The following ZBTB20 variants were observed in gnomAD, a reference collection of about 807,000 sequenced individuals.
The protein encoded by ZBTB20 is zinc finger and BTB domain-containing protein 20.
In ZBTB20, 9 loss-of-function variants were observed where a neutral mutation model predicts 56.9. The observed-to-expected ratio is 0.16, with a 90% CI of 0.10 to 0.28. The LOEUF (loss-of-function observed/expected upper bound fraction) is 0.28, where lower values mean the gene tolerates loss of function less well. Among genes scored for constraint, ZBTB20 ranks in the 10% least tolerant of loss-of-function variants. The probability of loss-of-function intolerance (pLI) is 1.00; values close to 1 mark genes in which losing one functional copy is unlikely to be tolerated. For missense variants in ZBTB20, 655 were observed against 1,003.0 expected (o/e 0.65, Z 4.69); for synonymous variants, 417 against 420.7 (o/e 0.99, Z 0.11).
intron 2 of ZBTB20, among the ~76,000 whole-genome samples, chr3:115,060,514 T>C (rs1257419416): frequency 3.9e-5 from 6 of 152,154 alleles, no homozygotes; most frequent in Non-Finnish European, 2.9e-5. Flanking sequence ...GTGATTTATA[T>C]TTTTCTTCTT....
rs1301801709 is a variant in ZBTB20 at position 114,354,563 on chromosome 3, GTTTTTTTTTGTTTTGTTTTGTTTGT to G, written c.200-2710_200-2686del. ...ACAATCCTATGTGTGTTCTGAACAGGTTTTTTTTTGTTTTGTTTTGTTTGTTTTTTTTTTTTTTGACAGAGTCTTG... is the reference window on the plus strand; with the variant it reads ...ACAATCCTATGTGTGTTCTGAACAGGTTTTTTTTTTTTTGACAGAGTCTTG... On this transcript the variant is annotated intron_variant, in intron 10 of 11. Coordinates refer to ENST00000675478, the MANE Select transcript of ZBTB20 (RefSeq NM_001348800.3). Among the ~76,000 whole-genome samples, 6 of 130,112 alleles carry G rather than the reference GTTTTTTTTTGTTTTGTTTTGTTTGT, an allele frequency of 4.6e-5. No homozygotes were observed. In the South Asian group the frequency reaches 7.3e-4, roughly 16 times the overall value. 85.4% of individuals were successfully genotyped at this position (130,112 alleles called of 152,430 possible). A position where few individuals can be genotyped will look rare whatever the true frequency, so the allele number is the denominator to read the frequency against.
intron 6 of ZBTB20, among the ~76,000 whole-genome samples, chr3:114,623,929 T>C (rs949421224): frequency 1.3e-5 from 2 of 152,198 alleles, no homozygotes; most frequent in Non-Finnish European, 2.9e-5. Flanking sequence ...GGCTCTGCCA[T>C]TGTCCGTAGA....
intron 4 of ZBTB20, among the ~76,000 whole-genome samples, chr3:114,895,186 C>T (rs896412620): frequency 1.3e-5 from 2 of 152,094 alleles, no homozygotes; most frequent in Non-Finnish European, 2.9e-5. Context: ...GAAAATCTTA[C>T]CACACTAATT....
chr3:114,528,446 A>C (rs886982034), intron 6 of ZBTB20, among the ~76,000 whole-genome samples: 2 of 152,174 alleles, frequency 1.3e-5, no homozygotes, highest in African/African-American at 4.8e-5. Flanking sequence ...AAACAAAAAA[A>C]AATTTTTCCT....
At chr3:114,660,501 CTT>C (rs985404402) in intron 6 of ZBTB20, among the ~76,000 whole-genome samples, 2 of 152,156 alleles carry the variant, frequency 1.3e-5, no homozygotes, top group Non-Finnish European at 2.9e-5. Flanking sequence ...CCTAGCCTAA[CTT>C]TTATTTTTAG....
intron 4 of ZBTB20, among the ~76,000 whole-genome samples, chr3:114,830,759 C>T (rs1340215836): frequency 6.6e-5 from 10 of 151,936 alleles, no homozygotes; most frequent in African/African-American, 2.4e-4. Context: ...GGAGCTCTTG[C>T]CCTTACATAT....
chr3:115,103,628 C>T (rs934109405), intron 1 of ZBTB20, among the ~76,000 whole-genome samples: 6 of 152,174 alleles, frequency 3.9e-5, no homozygotes, highest in Admixed American at 1.3e-4. Context: ...CAAGTGGTGA[C>T]GGAACGACTG....
At chr3:114,950,925 C>T (rs1269715426) in intron 3 of ZBTB20, among the ~76,000 whole-genome samples, 6 of 152,034 alleles carry the variant, frequency 3.9e-5, no homozygotes, top group African/African-American at 1.4e-4. Flanking sequence ...AATGTGAGCA[C>T]AAGAAGCCAC....
intron 2 of ZBTB20, among the ~76,000 whole-genome samples, chr3:114,980,727 C>A (rs1260297597): frequency 6.6e-6 from 1 of 151,624 alleles, no homozygotes; most frequent in Non-Finnish European, 1.5e-5. Context: ...AATTTTGAAA[C>A]TTCAAGAAAA....
intron 10 of ZBTB20, among the ~76,000 whole-genome samples, chr3:114,369,349 A>G (rs2082750020): frequency 6.6e-6 from 1 of 152,190 alleles, no homozygotes; most frequent in Non-Finnish European, 1.5e-5. Context: ...ACTCATTTTT[A>G]GAATTGGAGA....
At chr3:114,945,330 A>T (rs1042029623) in intron 3 of ZBTB20, among the ~76,000 whole-genome samples, 7 of 145,482 alleles carry the variant, frequency 4.8e-5, no homozygotes, top group Non-Finnish European at 1.0e-4. Context: ...TGATAGAGAA[A>T]TGCAAAAAAT....
chr3:114,522,652 G>T (rs1018927229), intron 6 of ZBTB20, among the ~76,000 whole-genome samples: 1 of 152,112 alleles, frequency 6.6e-6, no homozygotes, highest in African/African-American at 2.4e-5. Context: ...GGGTAGTAGT[G>T]GTGATGAGGA....
At chr3:114,782,882 G>T (rs180793357) in intron 5 of ZBTB20, among the ~76,000 whole-genome samples, 28 of 152,076 alleles carry the variant, frequency 1.8e-4, no homozygotes, top group Non-Finnish European at 3.4e-4. Flanking sequence ...AAACATCAAA[G>T]GTATTCCTAA....
intron 4 of ZBTB20, among the ~76,000 whole-genome samples, chr3:114,888,392 G>C (rs2076685326): frequency 6.6e-6 from 1 of 152,038 alleles, no homozygotes; most frequent in South Asian, 2.1e-4. Flanking sequence ...CTCCAGCCTG[G>C]GTGACAAAGT....
chr3:114,407,607 TA>T (rs1191625706), intron 7 of ZBTB20, among the ~76,000 whole-genome samples: 1 of 152,162 alleles, frequency 6.6e-6, no homozygotes, highest in Non-Finnish European at 1.5e-5. Flanking sequence ...GGCAAAAATA[TA>T]CAGTCAAGTT....
chr3:114,591,804 A>C (rs77393205), intron 6 of ZBTB20, among the ~76,000 whole-genome samples: 1,539 of 152,232 alleles, frequency 0.01, 20 homozygotes, highest in African/African-American at 0.034. Flanking sequence ...AGTTATACTT[A>C]TCTCTCAAAT....
intron 4 of ZBTB20, among the ~76,000 whole-genome samples, chr3:114,859,290 TC>T (rs2075396262): frequency 6.7e-6 from 1 of 148,484 alleles, no homozygotes; most frequent in Admixed American, 6.8e-5. Flanking sequence ...CTTCCTTTCT[TC>T]CTTCCTTCTT....
chr3:115,035,536 T>C (rs1171816077), intron 2 of ZBTB20, among the ~76,000 whole-genome samples: 1 of 143,530 alleles, frequency 7.0e-6, no homozygotes, highest in Non-Finnish European at 1.5e-5. Flanking sequence ...TTAGAATTGC[T>C]ACTATCAAAC....
chr3:114,787,368 T>TATATACAC (rs1433434685), intron 5 of ZBTB20, among the ~76,000 whole-genome samples: 9 of 106,300 alleles, frequency 8.5e-5, no homozygotes, highest in African/African-American at 4.1e-4. Context: ...TATATATATA[T>TATATACAC]ACACACACAC....
Sources: allele counts gnomAD v4.1 joint callset (sites outside exome capture counted in the v4.1 genomes callset), GRCh38; gene constraint gnomAD v4.1.1; transcripts MANE v1.5; gene names NCBI Gene and HGNC (gene_info 2026-07-23, HGNC 2026-07-21).